DNAH9: variants seen among roughly 807,000 people sequenced by gnomAD.
DNAH9 encodes the protein dynein axonemal heavy chain 9.
A neutral mutation model predicts 471.6 loss-of-function variants in DNAH9; 345 were observed. The ratio of observed to expected loss-of-function variants is 0.73; its 90% CI spans 0.67 to 0.80. The LOEUF is 0.80. Ranked by LOEUF, DNAH9 falls within the 30% of genes least tolerant of loss-of-function variation. The pLI is 0.00. For synonymous variants in DNAH9, 2,093 were observed against 2,123.6 expected (o/e 0.99, Z 0.40); for missense variants, 5,407 against 5,609.2 (o/e 0.96, Z 1.15).
chr17:11,715,521 C>G (rs924209363), intron 26 of DNAH9, among the ~76,000 whole-genome samples: 1 of 152,152 alleles, frequency 6.6e-6, no homozygotes, highest in African/African-American at 2.4e-5. Flanking sequence ...GAGCACCTGA[C>G]ATGGTGAAAG....
chr17:11,887,022 A>G (rs565724919), intron 57 of DNAH9, 57 bp downstream of exon 57: 106 of 1,545,464 alleles, frequency 6.9e-5, no homozygotes, highest in South Asian at 1.4e-4. Context: ...AATATTGCCA[A>G]TGCAGCTCTC....
intron 67 of DNAH9, among the ~76,000 whole-genome samples, chr17:11,943,551 C>A (rs1975013944): frequency 1.3e-5 from 2 of 152,074 alleles, no homozygotes; most frequent in African/African-American, 4.8e-5. Context: ...GCGGTGTGCA[C>A]CTGTAGTCCC....
intron 43 of DNAH9, among the ~76,000 whole-genome samples, chr17:11,801,031 A>G (rs1249789814): frequency 6.6e-6 from 1 of 152,204 alleles, no homozygotes; most frequent in East Asian, 1.9e-4. Context: ...GTAGCTCAAC[A>G]TAGAACTCTC....
rs749717578 is a variant in DNAH9 at position 11,608,334 on chromosome 17, C to T, written c.614+9C>T. The T allele has an allele frequency of 3.1e-6, 5 of 1,589,566 alleles. No individual in the cohort carries two copies. The highest frequency in any genetic ancestry group is 4.3e-6 in the Non-Finnish European group (5 of 1,167,158). ...TCCAAAAGTGAGACAGTGTAAGTAC[C>T]GCCAGCCTGGCCATATGGGCCTCTG... On this transcript the variant is annotated intron_variant, in intron 2 of 68. Coordinates refer to ENST00000262442, the MANE Select transcript of DNAH9 (RefSeq NM_001372.4).
chr17:11,951,800 G>A (rs1200395780), intron 67 of DNAH9, among the ~76,000 whole-genome samples: 3 of 151,714 alleles, frequency 2.0e-5, no homozygotes, highest in Admixed American at 6.6e-5. Flanking sequence ...GCAGCTGCCT[G>A]TAATCCCAGC....
chr17:11,882,923 G>A, intron 55 of DNAH9: 1 of 985,434 alleles, frequency 1.0e-6, no homozygotes, highest in East Asian at 1.1e-4. Flanking sequence ...AACAAGAAAG[G>A]TCAGGGTGGC....
At chr17:11,670,899 C>T (rs1442781907) in intron 17 of DNAH9, among the ~76,000 whole-genome samples, 1 of 152,154 alleles carries the variant, frequency 6.6e-6, no homozygotes, top group Non-Finnish European at 1.5e-5. Context: ...GACAGGGTTT[C>T]TCCATGTTGG....
intron 45 of DNAH9, among the ~76,000 whole-genome samples, chr17:11,811,989 CAAAAAAAAAAAAAAAAAAAAAAAA>C (rs869105187): frequency 3.3e-4 from 10 of 30,412 alleles, no homozygotes; most frequent in Non-Finnish European, 6.5e-4. Context: ...GACTCTGTCT[CAAAAAAAAAAAAAAAAAAAAAAAA>C]AAAAAAAAAA....
chr17:11,841,222 G>A (rs1265940770), intron 49 of DNAH9, among the ~76,000 whole-genome samples: 6 of 152,054 alleles, frequency 3.9e-5, no homozygotes, highest in Non-Finnish European at 7.4e-5. Context: ...AATGATCAAG[G>A]CAAGTCTCAA....
At chr17:11,922,789 A>T (rs1243296139) in intron 61 of DNAH9, among the ~76,000 whole-genome samples, 1 of 152,184 alleles carries the variant, frequency 6.6e-6, no homozygotes, top group African/African-American at 2.4e-5. Flanking sequence ...GAACTACCTG[A>T]ATCCTGCCCC....
chr17:11,712,304 A>G (rs904699839), intron 26 of DNAH9, among the ~76,000 whole-genome samples: 2 of 151,168 alleles, frequency 1.3e-5, no homozygotes, highest in African/African-American at 4.9e-5. Context: ...AATTTTATAG[A>G]TATACCACAT....
At chr17:11,659,667 T>A (rs2073719534) in intron 14 of DNAH9, among the ~76,000 whole-genome samples, 2 of 152,244 alleles carry the variant, frequency 1.3e-5, no homozygotes, top group Non-Finnish European at 2.9e-5. Context: ...ACAGCTACGC[T>A]TGATGCACCA....
At chr17:11,893,459 C>T (rs902034004) in intron 58 of DNAH9, among the ~76,000 whole-genome samples, 9 of 150,992 alleles carry the variant, frequency 6.0e-5, no homozygotes, top group Non-Finnish European at 8.9e-5. Context: ...AGACTTGGAA[C>T]CAACCCACAT....
chr17:11,829,093 C>T (rs1970601532), intron 48 of DNAH9, among the ~76,000 whole-genome samples: 1 of 152,158 alleles, frequency 6.6e-6, no homozygotes, highest in East Asian at 1.9e-4. Flanking sequence ...GGTATTCATT[C>T]CATAAACACT....
intron 59 of DNAH9, among the ~76,000 whole-genome samples, chr17:11,895,979 T>C (rs1240970350): frequency 6.6e-6 from 1 of 152,250 alleles, no homozygotes; most frequent in African/African-American, 2.4e-5. Context: ...TTTTCTAACT[T>C]CTTTTTCAGA....
intron 1 of DNAH9, among the ~76,000 whole-genome samples, chr17:11,601,851 A>G (rs2072393386): frequency 6.6e-6 from 1 of 152,076 alleles, no homozygotes; most frequent in Non-Finnish European, 1.5e-5. Flanking sequence ...TGGCTGAGAG[A>G]CGTCTTCCTG....
intron 45 of DNAH9, among the ~76,000 whole-genome samples, chr17:11,816,930 G>A (rs60611557): frequency 0.042 from 6,338 of 152,080 alleles, 450 homozygotes; most frequent in African/African-American, 0.14. Context: ...GTGGTGGCAG[G>A]CACCTGTAAT....
intron 45 of DNAH9, among the ~76,000 whole-genome samples, chr17:11,817,695 C>A (rs992029745): frequency 6.6e-6 from 1 of 152,082 alleles, no homozygotes; most frequent in African/African-American, 2.4e-5. Context: ...ATTTTCTTAG[C>A]GGTTTTCCTT....
chr17:11,831,878 C>T (rs1970697247), intron 48 of DNAH9, among the ~76,000 whole-genome samples: 1 of 152,122 alleles, frequency 6.6e-6, no homozygotes, highest in African/African-American at 2.4e-5. Context: ...GCACCATTTA[C>T]CACCATGGTC....
Sources: gnomAD v4.1 joint callset for allele counts (sites outside exome capture counted in the v4.1 genomes callset) on GRCh38, gnomAD v4.1.1 for gene constraint, MANE v1.5 for transcripts, NCBI Gene and HGNC (gene_info 2026-07-23, HGNC 2026-07-21) for gene names.